Variants in MSI2 observed in about 807,000 individuals in gnomAD.
MSI2 encodes the protein musashi RNA binding protein 2.
Under a neutral mutation model 45.6 loss-of-function variants are expected in MSI2, and 17 were observed. The observed-to-expected ratio is 0.37, with a 90% confidence interval of 0.26 to 0.56. The LOEUF (loss-of-function observed/expected upper bound fraction) is 0.56, where lower values mean the gene tolerates loss of function less well. Among genes scored for constraint, MSI2 ranks in the 20% least tolerant of loss-of-function variants. The pLI is 0.77. For missense variants in MSI2, 293 were observed against 444.2 expected (o/e 0.66, Z 3.06); for synonymous variants, 156 against 158.2 (o/e 0.99, Z 0.11).
intron 5 of MSI2, among the ~76,000 whole-genome samples, chr17:57,318,008 G>C (rs1210397317): frequency 6.6e-6 from 1 of 152,192 alleles, no homozygotes; most frequent in Non-Finnish European, 1.5e-5. Flanking sequence ...AATTAGCTGG[G>C]AGTGGTAGCA....
At chr17:57,297,582 T>C (rs900648796) in intron 5 of MSI2, among the ~76,000 whole-genome samples, 12 of 152,202 alleles carry the variant, frequency 7.9e-5, no homozygotes, top group Non-Finnish European at 1.3e-4. Context: ...TGTGGCAATT[T>C]CTTTAAAATA....
chr17:57,390,701 C>T lies in MSI2; in HGVS notation c.313-10678C>T, dbSNP rs138569609. On this transcript the variant is annotated intron_variant, in intron 5 of 13. Transcript: ENST00000284073. Reference sequence around the variant, plus strand: ...CCTACCAGCAAAGTTTTTATACACTCGCTCCTAAGAAGAGCAGGCCAGATT... The same window carrying T: ...CCTACCAGCAAAGTTTTTATACACTTGCTCCTAAGAAGAGCAGGCCAGATT... 3.0e-3 allele frequency among the ~76,000 whole-genome samples: 458 copies of T among 152,296 alleles called. 3 individuals carry two copies. The highest frequency in any genetic ancestry group is 6.8e-3 in the Middle Eastern group (2 of 294).
the MSI2 span, among the ~76,000 whole-genome samples, chr17:57,693,342 T>TGGC: frequency 6.6e-6 from 1 of 152,050 alleles, no homozygotes; most frequent in Non-Finnish European, 1.5e-5. Flanking sequence ...GCACCACACC[T>TGGC]GGCGAAATTT....
At chr17:57,382,168 A>G (rs1397620170) in intron 5 of MSI2, among the ~76,000 whole-genome samples, 2 of 152,242 alleles carry the variant, frequency 1.3e-5, no homozygotes, top group African/African-American at 4.8e-5. Context: ...TATTTATTGC[A>G]TGTCACTGAA....
At chr17:57,575,376 G>C (rs191535514) in intron 7 of MSI2, among the ~76,000 whole-genome samples, 2 of 152,092 alleles carry the variant, frequency 1.3e-5, no homozygotes, top group Non-Finnish European at 2.9e-5. Context: ...TCTAGGTGGC[G>C]GCTCAATGGG....
chr17:57,589,536 G>A (rs972768369), intron 7 of MSI2, among the ~76,000 whole-genome samples: 6 of 149,618 alleles, frequency 4.0e-5, no homozygotes, highest in South Asian at 2.1e-4. Context: ...GAAACGTTCC[G>A]CGTTGGGGCT....
chr17:57,578,136 G>A (rs1373611462), intron 7 of MSI2, among the ~76,000 whole-genome samples: 2 of 152,180 alleles, frequency 1.3e-5, no homozygotes, highest in African/African-American at 4.8e-5. Context: ...TTGTCTATCT[G>A]CAGGGGGAAG....
chr17:57,373,279 A>G (rs2083447767), intron 5 of MSI2, among the ~76,000 whole-genome samples: 1 of 152,138 alleles, frequency 6.6e-6, no homozygotes, highest in African/African-American at 2.4e-5. Flanking sequence ...GGGAGATCAA[A>G]TTTCACCCTC....
rs188927378 is a variant in MSI2, at chr17:57,326,437, G to A, written c.312+64245G>A. ...AAACACCTACATCCAAACCGATTTG[G>A]CCCCAGGGCTTGGGATAAGAGATAT... On this transcript the variant is annotated intron_variant, in intron 5 of 13. Coordinates refer to ENST00000284073, the MANE Select transcript of MSI2 (RefSeq NM_138962.4). 6.2e-4 allele frequency among the ~76,000 whole-genome samples: 95 copies of A among 152,208 alleles called. No homozygotes were observed. In the Middle Eastern group the frequency reaches 0.01, roughly 16 times the overall value.
intron 5 of MSI2, among the ~76,000 whole-genome samples, chr17:57,314,996 T>C (rs1912736099): frequency 6.6e-6 from 1 of 152,182 alleles, no homozygotes; most frequent in Non-Finnish European, 1.5e-5. Flanking sequence ...GGGATGCTGG[T>C]CTCTGAAACT....
rs1237712033 is a variant in MSI2, at chr17:57,612,438, A to C, written c.538-3532A>C. Among the ~76,000 whole-genome samples, 12 of 81,964 alleles carry C rather than the reference A, an allele frequency of 1.5e-4. 4 individuals are homozygous for C. The Admixed American group carries it at 1.5e-3, about 10-fold the overall frequency. 53.8% of individuals were successfully genotyped at this position (81,964 alleles called of 152,430 possible). A position where few individuals can be genotyped will look rare whatever the true frequency, so the allele number is the denominator to read the frequency against. ...CTGAGAAGTCTTTCAAGAGGCCTTCAGGGCAGGCAGGCCAGGTTCCCTGCT... is the reference window on the plus strand; with the variant it reads ...CTGAGAAGTCTTTCAAGAGGCCTTCCGGGCAGGCAGGCCAGGTTCCCTGCT... On this transcript the variant is annotated intron_variant, in intron 8 of 13. Transcript: ENST00000284073.
intron 6 of MSI2, among the ~76,000 whole-genome samples, chr17:57,458,226 G>T (rs190895909): frequency 0.012 from 1,772 of 150,502 alleles, 31 homozygotes; most frequent in African/African-American, 0.041. Context: ...TCAGCCTCCC[G>T]AGTAGCTGGG....
intron 5 of MSI2, among the ~76,000 whole-genome samples, chr17:57,344,164 T>C (rs1444812468): frequency 1.3e-5 from 2 of 152,218 alleles, no homozygotes; most frequent in Non-Finnish European, 2.9e-5. Context: ...TACAAAATAA[T>C]TTTCTAATTC....
chr17:57,340,984 C>A (rs184319941), intron 5 of MSI2, among the ~76,000 whole-genome samples: 3 of 152,172 alleles, frequency 2.0e-5, no homozygotes, highest in Non-Finnish European at 4.4e-5. Flanking sequence ...ATTGCTCCCC[C>A]GGTATCCATT....
Position 57,631,401 on chromosome 17 carries a change from A to G in MSI2, c.727+4098A>G, listed in dbSNP as rs560613058. On this transcript the variant is annotated intron_variant, in intron 10 of 13. Transcript: ENST00000284073. ...ATCTCATCTGGTTGGGGGTGCAGAT[A>G]TCACTCTTAGTAGAGCCTCATTCTC... The G allele has an allele frequency of 2.9e-5, 5 of 171,932 alleles. No individual in the cohort carries two copies. The South Asian group carries it at 6.9e-4, about 24-fold the overall frequency. 10.7% of individuals were successfully genotyped at this position (171,932 alleles called of 1,614,324 possible).
chr17:57,292,478 G>A (rs967344808), intron 5 of MSI2, among the ~76,000 whole-genome samples: 86 of 152,294 alleles, frequency 5.6e-4, no homozygotes, highest in African/African-American at 1.9e-3. Context: ...TGACTCCAGT[G>A]GGGTTGGGGT....
At chr17:57,507,203 A>ATAGG (rs1567865658) in intron 6 of MSI2, among the ~76,000 whole-genome samples, 1 of 136,864 alleles carries the variant, frequency 7.3e-6, no homozygotes, top group African/African-American at 3.0e-5. Context: ...ATCTCTTCCC[A>ATAGG]TTGGTTTTTG....
intron 5 of MSI2, chr17:57,285,794 T>A: frequency 7.6e-7 from 1 of 1,314,550 alleles, no homozygotes; most frequent in South Asian, 1.9e-5. Context: ...TTTTTAGAAA[T>A]GTTTTCTTTT....
rs1374725023 is a variant in MSI2 at position 57,683,225 on chromosome 17, A to G, written c.*3708A>G. 1.3e-5 allele frequency: 3 copies of G among 229,374 alleles called. No individual in the cohort carries two copies. The highest frequency in any genetic ancestry group is 5.7e-5 in the Admixed American group (1 of 17,658). The allele number at this position is 229,374 out of a possible 1,614,324, so 14.2% of individuals were successfully genotyped here. A position where few individuals can be genotyped will look rare whatever the true frequency, so the allele number is the denominator to read the frequency against. On this transcript the variant is annotated 3_prime_UTR_variant, in exon 14 of 14. Coordinates refer to ENST00000284073, the MANE Select transcript of MSI2 (RefSeq NM_138962.4). The surrounding 1 kb of genome is among the most constrained non-coding windows in gnomAD (Gnocchi z 5.2). ...CAGTGAATGTTACACACATCTTGCT[A>G]GACTAGTATAAAAATCATTGGGTAA...
Sources: allele counts gnomAD v4.1 joint callset (sites outside exome capture counted in the v4.1 genomes callset), GRCh38; gene constraint gnomAD v4.1.1; non-coding constraint Gnocchi (gnomAD v3.1); transcripts MANE v1.5; gene names NCBI Gene and HGNC (gene_info 2026-07-23, HGNC 2026-07-21).